The following SOBP variants were observed in gnomAD, a reference collection of about 807,000 sequenced individuals.
SOBP encodes the protein sine oculis-binding protein homolog.
A neutral mutation model predicts 53.6 loss-of-function variants in SOBP; 4 were observed. That is an observed-to-expected ratio of 0.07 (90% CI 0.04 to 0.17). The LOEUF (loss-of-function observed/expected upper bound fraction) is 0.17. Ranked by LOEUF, SOBP falls within the 10% of genes least tolerant of loss-of-function variation. SOBP has a pLI of 1.00. For synonymous variants in SOBP, 584 were observed against 522.6 expected, an observed-to-expected ratio of 1.12 and a Z score of -1.60; for missense variants, 1,088 against 1,204.7, an observed-to-expected ratio of 0.90 and a Z score of 1.43.
At chr6:107,515,475 G>T (rs868123507) in intron 3 of SOBP, among the ~76,000 whole-genome samples, 3 of 152,290 alleles carry the variant, frequency 2.0e-5, no homozygotes, top group Admixed American at 2.0e-4. Context: ...CTGTCTGGGT[G>T]TGGTGGCTCA....
At chr6:107,630,673 C>T (rs1463375226) in intron 5 of SOBP, among the ~76,000 whole-genome samples, 1 of 151,670 alleles carries the variant, frequency 6.6e-6, no homozygotes, top group Non-Finnish European at 1.5e-5. Context: ...AGAAAGATTG[C>T]TTTTCTGTAT....
chr6:107,638,181 C>A (rs886119130), intron 6 of SOBP, among the ~76,000 whole-genome samples: 1 of 147,698 alleles, frequency 6.8e-6, no homozygotes, highest in Non-Finnish European at 1.5e-5. Flanking sequence ...CATTCTCTGG[C>A]CCTTCCTGGT....
At chr6:107,643,563 C>T (rs578100483) in intron 6 of SOBP, among the ~76,000 whole-genome samples, 9 of 152,048 alleles carry the variant, frequency 5.9e-5, no homozygotes, top group East Asian at 5.8e-4. Flanking sequence ...ATTACAGGCG[C>T]GCACCACCAT....
chr6:107,550,433 T>A (rs1409174552), intron 4 of SOBP, among the ~76,000 whole-genome samples: 3 of 152,192 alleles, frequency 2.0e-5, no homozygotes, highest in Admixed American at 2.0e-4. Flanking sequence ...ACTTACGCAT[T>A]TATTCAACAA....
chr6:107,617,133 C>T (rs1024886569), intron 5 of SOBP, among the ~76,000 whole-genome samples: 2 of 152,162 alleles, frequency 1.3e-5, no homozygotes, highest in African/African-American at 4.8e-5. Context: ...ACAGGTGATC[C>T]CTTAATGAGG....
intron 5 of SOBP, among the ~76,000 whole-genome samples, chr6:107,628,928 A>G (rs960504160): frequency 6.6e-6 from 1 of 152,100 alleles, no homozygotes; most frequent in African/African-American, 2.4e-5. Flanking sequence ...GGCAGAGCAG[A>G]CCCCAAAGCC....
At chr6:107,505,469 T>C (rs764553970) in intron 2 of SOBP, among the ~76,000 whole-genome samples, 6 of 151,462 alleles carry the variant, frequency 4.0e-5, no homozygotes, top group Non-Finnish European at 7.4e-5. Flanking sequence ...ATTACAGGCG[T>C]GCGCCACATG....
chr6:107,649,253 A>G (rs1000804585), intron 6 of SOBP, among the ~76,000 whole-genome samples: 1 of 150,754 alleles, frequency 6.6e-6, no homozygotes, highest in African/African-American at 2.4e-5. Flanking sequence ...AGGCCAAGAC[A>G]GGAGGATCAC....
chr6:107,639,848 G>GA (rs1771230307), intron 6 of SOBP, among the ~76,000 whole-genome samples: 1 of 152,086 alleles, frequency 6.6e-6, no homozygotes, highest in South Asian at 2.1e-4. Context: ...ATAATCAATG[G>GA]AAAAAATGTG....
At chr6:107,557,425 G>C (rs1784645691) in intron 4 of SOBP, among the ~76,000 whole-genome samples, 1 of 152,152 alleles carries the variant, frequency 6.6e-6, no homozygotes, top group African/African-American at 2.4e-5. Context: ...ATATCAAATT[G>C]TTCCGAAACT....
At chr6:107,598,220 C>G (rs1786019968) in intron 5 of SOBP, among the ~76,000 whole-genome samples, 1 of 152,118 alleles carries the variant, frequency 6.6e-6, no homozygotes, top group African/African-American at 2.4e-5. Context: ...CAATGTACTT[C>G]CAGTGTATAA....
At chr6:107,522,536 A>AATTTT (rs1783541199) in intron 3 of SOBP, among the ~76,000 whole-genome samples, 1 of 48,180 alleles carries the variant, frequency 2.1e-5, no homozygotes, top group Non-Finnish European at 4.6e-5. Context: ...TAGTATAAAA[A>AATTTT]CTTTTTTTTT....
At chr6:107,519,582 AT>A (rs1783420862) in intron 3 of SOBP, among the ~76,000 whole-genome samples, 1 of 152,174 alleles carries the variant, frequency 6.6e-6, no homozygotes, top group Non-Finnish European at 1.5e-5. Flanking sequence ...TGGGCATCCT[AT>A]GTGGATCCTT....
At chr6:107,497,551 ACT>A (rs1371153068) in intron 1 of SOBP, among the ~76,000 whole-genome samples, 1 of 152,196 alleles carries the variant, frequency 6.6e-6, no homozygotes, top group East Asian at 1.9e-4. Flanking sequence ...AGACGCAATT[ACT>A]GTCAACATTT....
chr6:107,532,186 T>TA (rs1329335915), intron 3 of SOBP, among the ~76,000 whole-genome samples: 10 of 143,434 alleles, frequency 7.0e-5, no homozygotes, highest in Admixed American at 3.5e-4. Context: ...TGTGGGTTAA[T>TA]AAAAAAAAAA....
intron 4 of SOBP, among the ~76,000 whole-genome samples, chr6:107,565,860 C>T (rs767351778): frequency 1.3e-5 from 2 of 152,216 alleles, no homozygotes; most frequent in Non-Finnish European, 2.9e-5. Context: ...CATCCTGGCT[C>T]GTCCCGCACC....
intron 1 of SOBP, among the ~76,000 whole-genome samples, chr6:107,503,024 G>C (rs1583147380): frequency 6.6e-6 from 1 of 152,176 alleles, no homozygotes; most frequent in African/African-American, 2.4e-5. Flanking sequence ...GCCTTCCAAA[G>C]TGCGGGATTA....
chr6:107,658,049 T>C (rs2114260348), intron 6 of SOBP, among the ~76,000 whole-genome samples, 158 bp from the exon 7 acceptor site: 1 of 152,270 alleles, frequency 6.6e-6, no homozygotes, highest in East Asian at 1.9e-4. Flanking sequence ...CCTGTTGAAA[T>C]CACGCTGTGC....
chr6:107,495,422 G>A (rs1260920777), intron 1 of SOBP, among the ~76,000 whole-genome samples: 2 of 152,184 alleles, frequency 1.3e-5, no homozygotes, highest in East Asian at 1.9e-4. Flanking sequence ...TGTGATGTAC[G>A]GTAGAGCGTC....
Sources: allele counts gnomAD v4.1 joint callset (sites outside exome capture counted in the v4.1 genomes callset), GRCh38; gene constraint gnomAD v4.1.1; transcripts MANE v1.5; gene names NCBI Gene and HGNC (gene_info 2026-07-23, HGNC 2026-07-21).